USH2A: variants seen among roughly 807,000 people sequenced by gnomAD.
The protein encoded by USH2A is usherin, also known as Usher syndrome 2A (autosomal recessive, mild).
Under a neutral mutation model 538.9 loss-of-function variants are expected in USH2A, and 443 were observed. That is an observed-to-expected ratio of 0.82 (90% confidence interval 0.76 to 0.89). The LOEUF (loss-of-function observed/expected upper bound fraction) is 0.89. Ranked by LOEUF, USH2A falls within the 40% of genes least tolerant of loss-of-function variation. The pLI is 0.00. For synonymous variants in USH2A, 2,413 were observed against 2,273.5 expected, an observed-to-expected ratio of 1.06 and a Z score of -1.75; for missense variants, 6,633 against 6,324.8, an observed-to-expected ratio of 1.05 and a Z score of -1.65.
intron 21 of USH2A, among the ~76,000 whole-genome samples, chr1:216,147,386 G>GT (rs2033732670): frequency 6.6e-6 from 1 of 152,004 alleles, no homozygotes. Flanking sequence ...TCTTAAAAAG[G>GT]TGGCTGGAGC....
chr1:216,177,013 C>CAT (rs2034399842), intron 20 of USH2A, among the ~76,000 whole-genome samples: 1 of 152,134 alleles, frequency 6.6e-6, no homozygotes, highest in Admixed American at 6.6e-5. Context: ...CTATGATGTG[C>CAT]ATATATATGT....
At chr1:215,972,634 G>A (rs1344380178) in intron 35 of USH2A, among the ~76,000 whole-genome samples, 1 of 152,104 alleles carries the variant, frequency 6.6e-6, no homozygotes, top group African/African-American at 2.4e-5. Context: ...TTTGTTAAAT[G>A]AGTTAATACT....
At position 215,796,790 on chromosome 1, in the gene USH2A, T is replaced by G. The variant is rs1398399251; in HGVS notation, c.9958+2117A>C. 2.0e-5 allele frequency among the ~76,000 whole-genome samples: 3 copies of G among 152,290 alleles called. No homozygotes were observed. The East Asian group carries it at 5.8e-4, about 29-fold the overall frequency. ...GCCAAGACAGGCCAAAAACTAGACCTCTCATGCCCAACAGTTAGCCCAGTT... is the reference window on the plus strand; with the variant it reads ...GCCAAGACAGGCCAAAAACTAGACCGCTCATGCCCAACAGTTAGCCCAGTT... On this transcript the variant is annotated intron_variant, in intron 50 of 71. Transcript: ENST00000307340.
At chr1:216,217,862 G>A (rs1008181270) in intron 14 of USH2A, among the ~76,000 whole-genome samples, 1 of 152,008 alleles carries the variant, frequency 6.6e-6, no homozygotes, top group East Asian at 1.9e-4. Context: ...TTTGAATCCA[G>A]TTGTTCAATT....
At chr1:216,186,125 A>T (rs1484718660) in intron 20 of USH2A, among the ~76,000 whole-genome samples, 1 of 151,810 alleles carries the variant, frequency 6.6e-6, no homozygotes, top group Non-Finnish European at 1.5e-5. Flanking sequence ...ACTAAAATAA[A>T]TTTTTCTTTA....
intron 24 of USH2A, among the ~76,000 whole-genome samples, chr1:216,086,210 T>C (rs145490937): frequency 6.6e-6 from 1 of 152,242 alleles, no homozygotes; most frequent in African/African-American, 2.4e-5. Context: ...ATTATAGCAC[T>C]AATGGCATTA....
chr1:216,166,898 C>T (rs140433042), intron 21 of USH2A, among the ~76,000 whole-genome samples: 377 of 152,204 alleles, frequency 2.5e-3, no homozygotes, highest in Non-Finnish European at 4.1e-3. Context: ...CCCAAGGATG[C>T]CCCTTTTTTG....
intron 61 of USH2A, among the ~76,000 whole-genome samples, chr1:215,694,047 T>C (rs1168528739): frequency 6.6e-6 from 1 of 152,156 alleles, no homozygotes; most frequent in Non-Finnish European, 1.5e-5. Context: ...TGTTCTCATA[T>C]AAATAAGGCC....
intron 55 of USH2A, among the ~76,000 whole-genome samples, chr1:215,772,233 G>A (rs771016697): frequency 4.6e-5 from 7 of 152,162 alleles, no homozygotes; most frequent in Non-Finnish European, 1.0e-4. Flanking sequence ...TGAGAAGAGG[G>A]AAATAAAGAG....
At position 215,875,150 on chromosome 1, in the gene USH2A, T is replaced by C. The variant is rs371891790; in HGVS notation, c.8681+2608A>G. On this transcript the variant is annotated intron_variant, in intron 43 of 71. Coordinates refer to ENST00000307340, the MANE Select transcript of USH2A (RefSeq NM_206933.4). The stretch of plus-strand genomic sequence containing the variant: ...CCGCCAGGGGATCAAGTTTTGGTTT[T>C]CTCTCATATTTGCAAGACACTCCCC... Among the ~76,000 whole-genome samples the C allele has an allele frequency of 1.4e-4, 21 of 152,340 alleles. No individual in the cohort carries two copies. The South Asian group carries it at 4.4e-3, about 32-fold the overall frequency.
chr1:216,397,424 T>C (rs1489948906), intron 3 of USH2A, among the ~76,000 whole-genome samples: 1 of 152,170 alleles, frequency 6.6e-6, no homozygotes, highest in Non-Finnish European at 1.5e-5. Context: ...TCTATTGCGG[T>C]GTTTCCAGAG....
intron 26 of USH2A, chr1:216,079,121 G>A (rs1212816863): frequency 6.6e-6 from 1 of 152,062 alleles, no homozygotes; most frequent in Non-Finnish European, 1.5e-5. Flanking sequence ...GATCAATTGT[G>A]TCGAGTAAAA....
chr1:216,322,861 T>C (rs2037644876), intron 8 of USH2A, among the ~76,000 whole-genome samples: 1 of 152,112 alleles, frequency 6.6e-6, no homozygotes, highest in Non-Finnish European at 1.5e-5. Flanking sequence ...ATATACTCTA[T>C]ATGTACATTT....
intron 36 of USH2A, among the ~76,000 whole-genome samples, chr1:215,968,719 T>C (rs959074133): frequency 1.3e-5 from 2 of 152,164 alleles, no homozygotes; most frequent in Non-Finnish European, 2.9e-5. Context: ...CTTTCAAAAT[T>C]TATTCTGATT....
chr1:215,826,165 G>A (rs1663147573), intron 47 of USH2A, among the ~76,000 whole-genome samples: 1 of 152,194 alleles, frequency 6.6e-6, no homozygotes, highest in South Asian at 2.1e-4. Context: ...TGGATGCCTT[G>A]CAAGATGGCT....
At chr1:215,942,793 C>A (rs1201720349) in intron 37 of USH2A, among the ~76,000 whole-genome samples, 1 of 152,110 alleles carries the variant, frequency 6.6e-6, no homozygotes, top group Non-Finnish European at 1.5e-5. Flanking sequence ...AAAATCCTCT[C>A]CAATATGTAG....
rs775523669 is a variant in USH2A, at chr1:215,877,817, A to G, written c.8622T>C (p.Asn2874=). Reference sequence around the variant, plus strand: ...TTCCTGAATAAATATTGTGCCACCGATTTAAATCTTCTGGGGGATTTGATG... The same window carrying G: ...TTCCTGAATAAATATTGTGCCACCGGTTTAAATCTTCTGGGGGATTTGATG... The part of the protein sequence containing the change: ...PLASNPPEDL[N]RWHNIYSGTQ... The change falls in exon 43 of 72, where the codon AAT becomes AAC. Residue 2874 remains asparagine, a synonymous_variant. Coordinates refer to ENST00000307340, the MANE Select transcript of USH2A (RefSeq NM_206933.4). 2 of 1,613,662 alleles carry G rather than the reference A, an allele frequency of 1.2e-6. No homozygotes were observed. The highest frequency in any genetic ancestry group is 4.5e-5 in the East Asian group (2 of 44,864).
At position 215,814,290 on chromosome 1, in the gene USH2A, G is replaced by A. The variant is rs1052970710; in HGVS notation, c.9571-386C>T. Among the ~76,000 whole-genome samples, 57 of 144,912 alleles carry A rather than the reference G, an allele frequency of 3.9e-4. 2 individuals carry two copies. The highest frequency in any genetic ancestry group is 3.7e-3 in the Middle Eastern group (1 of 268). ...CATATGTATATATACATAAGATATA[G>A]ATCTTTTATTATATAAAATTTTATA... On this transcript the variant is annotated intron_variant, in intron 48 of 71. Coordinates refer to ENST00000307340, the MANE Select transcript of USH2A (RefSeq NM_206933.4).
chr1:216,282,755 G>T (rs2036806889), intron 11 of USH2A, among the ~76,000 whole-genome samples: 1 of 152,150 alleles, frequency 6.6e-6, no homozygotes. Context: ...CTGCAAAGAA[G>T]TAAGGTGGGC....
Sources: allele counts gnomAD v4.1 joint callset (sites outside exome capture counted in the v4.1 genomes callset), GRCh38; gene constraint gnomAD v4.1.1; transcripts MANE v1.5; gene names NCBI Gene and HGNC (gene_info 2026-07-23, HGNC 2026-07-21).